ACAP2: variants seen among roughly 807,000 people sequenced by gnomAD.
ACAP2 encodes ArfGAP with coiled-coil, ankyrin repeat and PH domains 2.
A neutral mutation model predicts 115.8 loss-of-function variants in ACAP2; 39 were observed. The observed-to-expected ratio is 0.34, with a 90% CI of 0.26 to 0.44. ACAP2 has a LOEUF of 0.44. Ranked by LOEUF, ACAP2 falls within the 20% of genes least tolerant of loss-of-function variation. ACAP2 has a pLI of 1.00. For synonymous variants in ACAP2, 289 were observed against 315.8 expected (o/e 0.92, Z 0.90); for missense variants, 662 against 927.6 (o/e 0.71, Z 3.72).
At chr3:195,419,065 AT>A (rs1213410156) in intron 1 of ACAP2, among the ~76,000 whole-genome samples, 2 of 152,196 alleles carry the variant, frequency 1.3e-5, no homozygotes, top group African/African-American at 2.4e-5. Context: ...GCATAAAAAA[AT>A]GTTTAGCTGC....
chr3:195,351,133 C>CG (rs1218572453), intron 4 of ACAP2, among the ~76,000 whole-genome samples: 5 of 140,938 alleles, frequency 3.5e-5, no homozygotes, highest in South Asian at 2.3e-4. Context: ...TTTTTTTGGG[C>CG]GGGGGACAGG....
chr3:195,402,679 A>G (rs909843443), intron 1 of ACAP2, among the ~76,000 whole-genome samples: 2 of 152,210 alleles, frequency 1.3e-5, no homozygotes, highest in African/African-American at 4.8e-5. Context: ...TTACATTATC[A>G]TGATTTCTTC....
chr3:195,345,881 C>A (rs1469437530), intron 4 of ACAP2, among the ~76,000 whole-genome samples: 1 of 152,180 alleles, frequency 6.6e-6, no homozygotes, highest in Non-Finnish European at 1.5e-5. Context: ...TTTTGCCCAA[C>A]TTAAATGATG....
intron 9 of ACAP2, 81 bp from the exon 10 acceptor site, chr3:195,320,894 C>A: frequency 1.1e-6 from 1 of 873,614 alleles, no homozygotes; most frequent in Non-Finnish European, 1.8e-6. Context: ...GAAAAGAGTT[C>A]AAAAGGAAGA....
chr3:195,440,543 G>T (rs973268904), intron 1 of ACAP2, among the ~76,000 whole-genome samples: 20 of 152,136 alleles, frequency 1.3e-4, no homozygotes, highest in African/African-American at 4.8e-4. Context: ...CAGCCCAATA[G>T]ATCAGGACAC....
At chr3:195,390,144 C>T (rs558727033) in intron 2 of ACAP2, among the ~76,000 whole-genome samples, 21 of 152,096 alleles carry the variant, frequency 1.4e-4, no homozygotes, top group Non-Finnish European at 2.4e-4. Context: ...TGCAAGTGAG[C>T]CGAGATCGCG....
intron 6 of ACAP2, among the ~76,000 whole-genome samples, chr3:195,339,225 C>T (rs1320630773): frequency 6.6e-6 from 1 of 152,016 alleles, no homozygotes; most frequent in Non-Finnish European, 1.5e-5. Flanking sequence ...AGCAAGACTC[C>T]TTCTCAAAAA....
intron 1 of ACAP2, among the ~76,000 whole-genome samples, chr3:195,428,750 ACT>A (rs1158501619): frequency 6.6e-6 from 1 of 152,218 alleles, no homozygotes; most frequent in East Asian, 1.9e-4. Context: ...TATATTATAT[ACT>A]CACACAATGG....
At chr3:195,436,145 T>TTG (rs1715528715) in intron 1 of ACAP2, among the ~76,000 whole-genome samples, 1 of 148,386 alleles carries the variant, frequency 6.7e-6, no homozygotes, top group African/African-American at 2.5e-5. Context: ...TTTTTTTTTT[T>TTG]GGAGACAAAG....
chr3:195,293,395 A>T (rs1299627625), intron 18 of ACAP2, among the ~76,000 whole-genome samples: 1 of 152,232 alleles, frequency 6.6e-6, no homozygotes, highest in Non-Finnish European at 1.5e-5. Flanking sequence ...AAGTCAAAAG[A>T]AAAATCTAAT....
chr3:195,413,771 GA>G (rs1713482925), intron 1 of ACAP2, among the ~76,000 whole-genome samples: 1 of 151,552 alleles, frequency 6.6e-6, no homozygotes. Context: ...AACAAACAAA[GA>G]AACCCACTGG....
intron 7 of ACAP2, among the ~76,000 whole-genome samples, chr3:195,334,237 CA>C (rs1730361731): frequency 6.9e-6 from 1 of 145,884 alleles, no homozygotes. Context: ...AAAAAAAAAC[CA>C]TTAAAACACA....
chr3:195,419,118 T>C (rs1713969192), intron 1 of ACAP2, among the ~76,000 whole-genome samples: 1 of 152,058 alleles, frequency 6.6e-6, no homozygotes, highest in South Asian at 2.1e-4. Flanking sequence ...ATTTGAAGTG[T>C]ACAATTCAAT....
chr3:195,413,953 C>G (rs1457769152), intron 1 of ACAP2, among the ~76,000 whole-genome samples: 1 of 147,108 alleles, frequency 6.8e-6, no homozygotes, highest in Non-Finnish European at 1.5e-5. Context: ...GCAGCCTGGG[C>G]AACAGAATGA....
Position 195,275,909 on chromosome 3 carries a change from C to T in ACAP2, c.*3419G>A, listed in dbSNP as rs931371730. 5.2e-5 allele frequency: 8 copies of T among 152,590 alleles called. No homozygotes were observed. Among genetic ancestry groups the T allele is most frequent in the African/African-American group, 1.9e-4 (8 of 41,446 alleles). 9.5% of individuals were successfully genotyped at this position (152,590 alleles called of 1,614,324 possible). On this transcript the variant is annotated 3_prime_UTR_variant, in exon 23 of 23. Coordinates refer to ENST00000326793, the MANE Select transcript of ACAP2 (RefSeq NM_012287.6). ...GCCCTGAATCCAAAAAGGGTAGTGA[C>T]GACTAGTCCAGTGCTCCTTCCACCG...
At chr3:195,411,272 C>T (rs1250825591) in intron 1 of ACAP2, among the ~76,000 whole-genome samples, 1 of 152,222 alleles carries the variant, frequency 6.6e-6, no homozygotes, top group Non-Finnish European at 1.5e-5. Context: ...AGCTATTCCA[C>T]TTCTGAGTAT....
At chr3:195,331,350 G>C (rs182781907) in intron 8 of ACAP2, among the ~76,000 whole-genome samples, 138 of 131,466 alleles carry the variant, frequency 1.0e-3, no homozygotes, top group Non-Finnish European at 1.7e-3. Context: ...TTTTTTTTTT[G>C]AGGCAGAGTT....
chr3:195,366,661 C>G (rs1732743983), intron 4 of ACAP2, among the ~76,000 whole-genome samples: 1 of 152,142 alleles, frequency 6.6e-6, no homozygotes, highest in African/African-American at 2.4e-5. Context: ...ACATGGGGAG[C>G]CTTAAAAATT....
chr3:195,360,917 C>G (rs1242172738), intron 4 of ACAP2, among the ~76,000 whole-genome samples: 1 of 150,420 alleles, frequency 6.6e-6, no homozygotes, highest in Non-Finnish European at 1.5e-5. Context: ...CATTTTTCTT[C>G]CCAGCACATG....
Sources: allele counts gnomAD v4.1 joint callset (sites outside exome capture counted in the v4.1 genomes callset), GRCh38; gene constraint gnomAD v4.1.1; transcripts MANE v1.5; gene names NCBI Gene and HGNC (gene_info 2026-07-23, HGNC 2026-07-21).